The following AP1S3 variants were observed in gnomAD, a reference collection of about 807,000 sequenced individuals.
AP1S3 encodes the protein adaptor related protein complex 1 subunit sigma 3.
Under a neutral mutation model 20.9 loss-of-function variants are expected in AP1S3, and 10 were observed. The observed-to-expected ratio is 0.48, with a 90% CI of 0.29 to 0.81. The LOEUF is 0.81. AP1S3 is among the 30% of genes least tolerant of loss of function. AP1S3 has a pLI of 0.08. For missense variants in AP1S3, 154 were observed against 183.8 expected (o/e 0.84, Z 0.94); for synonymous variants, 41 against 61.5 (o/e 0.67, Z 1.56).
intron 1 of AP1S3, among the ~76,000 whole-genome samples, chr2:223,786,161 C>T (rs768688756): frequency 8.5e-5 from 13 of 152,188 alleles, no homozygotes; most frequent in Non-Finnish European, 1.6e-4. Context: ...ACTGTGTAAC[C>T]GAAGTATCTC....
chr2:223,828,068 AAAAAAAAAAAAAAAAAAAAAAAAAAG>A (rs1409603159), intron 1 of AP1S3, among the ~76,000 whole-genome samples: 720 of 37,968 alleles, frequency 0.019, 8 homozygotes, highest in African/African-American at 0.063. Context: ...TAAAAAAAAA[AAAAAAAAAAAAAAAAAAAAAAAAAAG>A]AAGAAGAAGA....
At chr2:223,822,424 C>T (rs772853837) in intron 1 of AP1S3, among the ~76,000 whole-genome samples, 4 of 151,810 alleles carry the variant, frequency 2.6e-5, no homozygotes, top group Non-Finnish European at 4.4e-5. Flanking sequence ...ATGGCTAATG[C>T]CTGTAATCCC....
At chr2:223,784,885 G>A (rs1691037676) in intron 1 of AP1S3, among the ~76,000 whole-genome samples, 1 of 151,972 alleles carries the variant, frequency 6.6e-6, no homozygotes, top group Non-Finnish European at 1.5e-5. Context: ...TTAAGAATGT[G>A]CCCTAAAATG....
chr2:223,777,383 A>C (rs1344468101), intron 2 of AP1S3, among the ~76,000 whole-genome samples: 1 of 152,076 alleles, frequency 6.6e-6, no homozygotes, highest in Non-Finnish European at 1.5e-5. Context: ...TGACAGAGCA[A>C]GATTCCGCCT....
chr2:223,827,008 A>C (rs1034259644), intron 1 of AP1S3, among the ~76,000 whole-genome samples: 1 of 133,988 alleles, frequency 7.5e-6, no homozygotes, highest in Non-Finnish European at 1.7e-5. Flanking sequence ...TACAAGCAAA[A>C]TTTTGTAAGA....
intron 1 of AP1S3, among the ~76,000 whole-genome samples, chr2:223,833,934 G>T (rs1692338761): frequency 6.8e-6 from 1 of 148,020 alleles, no homozygotes; most frequent in African/African-American, 2.5e-5. Context: ...TTGAGATGGA[G>T]TTTTGTTCTT....
chr2:223,814,924 A>G (rs1648804250), intron 1 of AP1S3, among the ~76,000 whole-genome samples: 1 of 152,106 alleles, frequency 6.6e-6, no homozygotes, highest in African/African-American at 2.4e-5. Flanking sequence ...CCACAGGTAC[A>G]CACTATCACT....
chr2:223,803,197 C>G (rs1691505600), intron 1 of AP1S3, among the ~76,000 whole-genome samples: 1 of 152,160 alleles, frequency 6.6e-6, no homozygotes. Flanking sequence ...CACCCCAGCT[C>G]CAAGATCTTC....
chr2:223,796,108 G>A (rs1691330866), intron 1 of AP1S3, among the ~76,000 whole-genome samples: 2 of 152,190 alleles, frequency 1.3e-5, no homozygotes, highest in Admixed American at 6.5e-5. Context: ...AGGAGGTGGA[G>A]GATGCAGTGA....
intron 3 of AP1S3, among the ~76,000 whole-genome samples, chr2:223,773,896 C>A (rs947375502): frequency 6.6e-6 from 1 of 152,174 alleles, no homozygotes; most frequent in South Asian, 2.1e-4. Context: ...GTTTTTGGAA[C>A]ATTTGCTATC....
At position 223,756,453 on chromosome 2, in the gene AP1S3, GAA is replaced by G; in HGVS notation, c.*2260_*2261del. The G allele has an allele frequency of 2.7e-6, 2 of 752,760 alleles. No individual in the cohort carries two copies. The highest frequency in any genetic ancestry group is 6.0e-5 in the South Asian group (1 of 16,730). 46.6% of individuals were successfully genotyped at this position (752,760 alleles called of 1,614,324 possible). ...GAAGGAAGGAAGAAAGGAAGGAAAAGAAAGAAAGAAAGAAAAGAAAGAAAGAA... is the reference window on the plus strand; with the variant it reads ...GAAGGAAGGAAGAAAGGAAGGAAAAGAGAAAGAAAGAAAAGAAAGAAAGAA... On this transcript the variant is annotated 3_prime_UTR_variant, in exon 5 of 5. Transcript: ENST00000396654.
Position 223,803,820 on chromosome 2 carries a change from C to T in AP1S3, c.4-25951G>A, listed in dbSNP as rs190530618. ...GTGTGAACCTGGGAGGCAGAGCTTG[C>T]AGTGAGCCGAGATCGCGCCACTGCA... is the stretch of plus-strand genomic sequence containing the variant. On this transcript the variant is annotated intron_variant, in intron 1 of 4. Coordinates refer to ENST00000396654, the MANE Select transcript of AP1S3 (RefSeq NM_001039569.2). Among the ~76,000 whole-genome samples, 933 of 148,876 alleles carry T rather than the reference C, an allele frequency of 6.3e-3. 7 individuals are homozygous for T. Among genetic ancestry groups the T allele is most frequent in the Middle Eastern group, 0.021 (6 of 284 alleles).
Position 223,756,470 on chromosome 2 carries a change from G to GA in AP1S3, c.*2244dup. 2 of 865,616 alleles carry GA rather than the reference G, an allele frequency of 2.3e-6. No individual in the cohort carries two copies. Among genetic ancestry groups the GA allele is most frequent in the Non-Finnish European group, 2.8e-6 (2 of 722,936 alleles). The allele number at this position is 865,616 out of a possible 1,614,324, so 53.6% of individuals were successfully genotyped here. On this transcript the variant is annotated 3_prime_UTR_variant, in exon 5 of 5. Coordinates refer to ENST00000396654, the MANE Select transcript of AP1S3 (RefSeq NM_001039569.2). Reference sequence around the variant, plus strand: ...AAGGAAAAGAAAGAAAGAAAGAAAAGAAAGAAAGAAAGAAAAAAAGAAAGA... The same window carrying GA: ...AAGGAAAAGAAAGAAAGAAAGAAAAGAAAAGAAAGAAAGAAAAAAAGAAAGA...
intron 1 of AP1S3, among the ~76,000 whole-genome samples, chr2:223,834,049 T>G (rs1019506075): frequency 6.6e-6 from 1 of 152,000 alleles, no homozygotes; most frequent in Non-Finnish European, 1.5e-5. Context: ...GCTGGGATTA[T>G]AGGCATGCGC....
At position 223,756,748 on chromosome 2, in the gene AP1S3, C is replaced by A; in HGVS notation, c.*1967G>T. On this transcript the variant is annotated 3_prime_UTR_variant, in exon 5 of 5. Coordinates refer to ENST00000396654, the MANE Select transcript of AP1S3 (RefSeq NM_001039569.2). ...GTTCTCCTGCTTGCTTTGCTGTTTT[C>A]CCTAAATATGTCTGCTGAGATGAAC... 1.0e-6 allele frequency: 1 copy of A among 985,298 alleles called. No individual in the cohort carries two copies. The highest frequency in any genetic ancestry group is 1.2e-6 in the Non-Finnish European group (1 of 829,916). The allele number at this position is 985,298 out of a possible 1,614,324, so 61.0% of individuals were successfully genotyped here.
rs1394604301 is a variant in AP1S3, at chr2:223,769,812, C to CAGT, written c.292-4463_292-4462insACT. On this transcript the variant is annotated intron_variant, in intron 3 of 4. Coordinates refer to ENST00000396654, the MANE Select transcript of AP1S3 (RefSeq NM_001039569.2). Reference sequence around the variant, plus strand: ...AGGCTGGAGTGCAGTGGCGCGATCTCGGCTCACTGAAGGCTCCGCCCCCCG... The same window carrying CAGT: ...AGGCTGGAGTGCAGTGGCGCGATCTCAGTGGCTCACTGAAGGCTCCGCCCCCCG... Among the ~76,000 whole-genome samples the CAGT allele has an allele frequency of 2.3e-5, 3 of 132,738 alleles. No homozygotes were observed. In the East Asian group the frequency reaches 6.8e-4, roughly 30 times the overall value. The allele number at this position is 132,738 out of a possible 152,430, so 87.1% of individuals were successfully genotyped here. A position where few individuals can be genotyped will look rare whatever the true frequency, so the allele number is the denominator to read the frequency against.
At chr2:223,799,595 T>A (rs1691420753) in intron 1 of AP1S3, among the ~76,000 whole-genome samples, 1 of 152,218 alleles carries the variant, frequency 6.6e-6, no homozygotes, top group Non-Finnish European at 1.5e-5. Context: ...TAAAACCAGA[T>A]CATCTACATT....
Position 223,787,568 on chromosome 2 carries a change from A to G in AP1S3, c.4-9699T>C, listed in dbSNP as rs184610935. On this transcript the variant is annotated intron_variant, in intron 1 of 4. Transcript: ENST00000396654. The stretch of plus-strand genomic sequence containing the variant: ...GGTGAATTCCCAAGAGAAACCAGAT[A>G]GGTCTCCCCATAGAATGCCTGAGAG... 2.0e-5 allele frequency among the ~76,000 whole-genome samples: 3 copies of G among 152,362 alleles called. No homozygotes were observed. In the East Asian group the frequency reaches 5.8e-4, roughly 29 times the overall value.
chr2:223,812,882 A>T (rs1236218821), intron 1 of AP1S3, among the ~76,000 whole-genome samples: 1 of 151,608 alleles, frequency 6.6e-6, no homozygotes, highest in East Asian at 1.9e-4. Flanking sequence ...ATCAAAAATC[A>T]CTTTTCTTCT....
Sources: allele counts gnomAD v4.1 joint callset (sites outside exome capture counted in the v4.1 genomes callset), GRCh38; gene constraint gnomAD v4.1.1; transcripts MANE v1.5; gene names NCBI Gene and HGNC (gene_info 2026-07-23, HGNC 2026-07-21).